The following ZNF333 variants were observed in gnomAD, a reference collection of about 807,000 sequenced individuals.
ZNF333 encodes zinc finger protein 333.
A neutral mutation model predicts 76.1 loss-of-function variants in ZNF333; 61 were observed. That is an observed-to-expected ratio of 0.80 (90% confidence interval 0.65 to 0.99). The LOEUF (loss-of-function observed/expected upper bound fraction) is 0.99, where lower values mean the gene tolerates loss of function less well. Among genes scored for constraint, ZNF333 ranks in the 50% least tolerant of loss-of-function variants. ZNF333 has a pLI of 0.00. For synonymous variants in ZNF333, 284 were observed against 305.0 expected (o/e 0.93, Z 0.72); for missense variants, 717 against 822.4 (o/e 0.87, Z 1.57).
Position 14,705,061 on chromosome 19 carries a change from G to C in ZNF333, c.314G>C (p.Gly105Ala). ...CCTCTTGTCTTTTGCCAGGGGCCGG[G>C]GCTGTTCCTGAGGATGCAGCTGGTG... ...ASSRDMQMGP[G>A]LFLRMQLVPS... Residue 105 changes from glycine to alanine, a missense_variant, in exon 6 of 12, where the codon GGG becomes GCG. By Grantham distance (60) the Gly-to-Ala change is moderately conservative (BLOSUM62 0). Coordinates refer to ENST00000292530, the MANE Select transcript of ZNF333 (RefSeq NM_032433.4). 1 of 1,613,914 alleles carries C rather than the reference G, an allele frequency of 6.2e-7. No individual in the cohort carries two copies. The highest frequency in any genetic ancestry group is 1.1e-5 in the South Asian group (1 of 91,060).
intron 1 of ZNF333, among the ~76,000 whole-genome samples, chr19:14,691,998 C>T (rs368267017): frequency 2.0e-5 from 3 of 152,062 alleles, no homozygotes; most frequent in East Asian, 3.9e-4. Flanking sequence ...TTTGTGTGTG[C>T]GTGGGCATAT....
In ZNF333 at chr19:14,729,551, C is replaced by G. The variant is rs983490915; in HGVS notation, c.901-1624C>G. Among the ~76,000 whole-genome samples, 3 of 151,970 alleles carry G rather than the reference C, an allele frequency of 2.0e-5. No homozygotes were observed. In the East Asian group the frequency reaches 5.8e-4, roughly 29 times the overall value. On this transcript the variant is annotated intron_variant, in intron 11 of 11. Transcript: ENST00000540689. ...TATTTTTTGTAGAGTTAGGGTTTCT[C>G]CATTTTGCCCAGGCTGGGCTTGAAC... is the stretch of plus-strand genomic sequence containing the variant.
At position 14,717,785 on chromosome 19, in the gene ZNF333, G is replaced by A. The variant is rs558408800; in HGVS notation, c.900+52G>A. The A allele has an allele frequency of 5.7e-6, 9 of 1,566,444 alleles. No individual in the cohort carries two copies. The East Asian group carries it at 2.0e-4, about 35-fold the overall frequency. ...GTTCTCTATAGTAGGATGAGTCTGG[G>A]GTTAACCGTAAGTTAGAAAAGCAGC... On this transcript the variant is annotated intron_variant, in intron 11 of 11. Transcript: ENST00000292530.
intron 7 of ZNF333, among the ~76,000 whole-genome samples, chr19:14,713,352 C>G (rs2147003321): frequency 6.6e-6 from 1 of 152,292 alleles, no homozygotes; most frequent in Non-Finnish European, 1.5e-5. Context: ...GCTCTGACCT[C>G]TGGACCTCAT....
intron 11 of ZNF333, among the ~76,000 whole-genome samples, chr19:14,730,831 C>T (rs966616857): frequency 1.3e-5 from 2 of 151,554 alleles, no homozygotes; most frequent in Admixed American, 6.6e-5. Context: ...TCTAGTAGTC[C>T]CCATTGTCTA....
chr19:14,693,351 C>A, intron 1 of ZNF333, 100 bp from the exon 2 acceptor site: 1 of 834,460 alleles, frequency 1.2e-6, no homozygotes. Flanking sequence ...GATAAATGTC[C>A]TGTAAGGGTT....
chr19:14,695,646 C>G lies in ZNF333; in HGVS notation c.208C>G (p.Arg70Gly). 1.9e-6 allele frequency: 3 copies of G among 1,614,116 alleles called. No individual in the cohort carries two copies. The South Asian group carries it at 3.3e-5, about 18-fold the overall frequency. The change falls in exon 4 of 12, where the codon CGT becomes GGT. Residue 70 changes from arginine to glycine, a missense_variant. Transcript: ENST00000292530. Reference protein sequence around the residue: ...EPKATERGILRATGVAWESQL... With the variant: ...EPKATERGILGATGVAWESQL... ...AAAGGCAACAGAACGAGGGATTCTC[C>G]GTGCCACAGGTGTTGGTGAGTACCA...
At chr19:14,715,163 G>A (rs1362247353) in intron 7 of ZNF333, 2 of 526,364 alleles carry the variant, frequency 3.8e-6, no homozygotes, top group African/African-American at 3.8e-5. Flanking sequence ...GTGTTTGTGT[G>A]TATATGTGTG....
intron 4 of ZNF333, among the ~76,000 whole-genome samples, chr19:14,697,076 G>C (rs1002436069): frequency 2.6e-5 from 4 of 152,110 alleles, no homozygotes; most frequent in African/African-American, 9.7e-5. Flanking sequence ...CAATACTGTT[G>C]TATGGGAATT....
chr19:14,709,569 G>A (rs1003833587), intron 7 of ZNF333, among the ~76,000 whole-genome samples: 1 of 152,182 alleles, frequency 6.6e-6, no homozygotes, highest in African/African-American at 2.4e-5. Flanking sequence ...AAGCCCTATT[G>A]TCTCCCCCGA....
intron 6 of ZNF333, chr19:14,706,127 GA>G (rs1394130310): frequency 2.2e-6 from 1 of 457,550 alleles, no homozygotes; most frequent in Middle Eastern, 3.2e-4. Context: ...ATCCTGCCCA[GA>G]GCCACCGTTA....
chr19:14,716,286 T>G, intron 9 of ZNF333, 48 bp downstream of exon 9: 2 of 1,583,490 alleles, frequency 1.3e-6, no homozygotes, highest in Non-Finnish European at 1.7e-6. Context: ...TGAGACAGAG[T>G]CTTGCTCTGT....
chr19:14,716,213 G>T lies in ZNF333; in HGVS notation c.702G>T (p.Glu234Asp). The change falls in exon 9 of 12, where the codon GAG becomes GAT. Residue 234 changes from glutamate (E) to aspartate (D), a missense_variant. By Grantham distance (45) the Glu-to-Asp change is conservative. Coordinates refer to ENST00000292530, the MANE Select transcript of ZNF333 (RefSeq NM_032433.4). ...QRSLYRDVMLENYRNLASVAD... is the reference protein window; with the variant it reads ...QRSLYRDVMLDNYRNLASVAD... ...GCCTGTATAGAGATGTGATGCTGGA[G>T]AACTACAGGAACCTGGCCTCTGTGG... 1 of 1,613,862 alleles carries T rather than the reference G, an allele frequency of 6.2e-7. No homozygotes were observed. Among genetic ancestry groups the T allele is most frequent in the Non-Finnish European group, 8.5e-7 (1 of 1,179,936 alleles).
In ZNF333 at chr19:14,720,770, A is replaced by G. The variant is rs2042568778; in HGVS notation, c.*1445A>G. The G allele has an allele frequency of 1.0e-6, 1 of 985,246 alleles. No homozygotes were observed. Among genetic ancestry groups the G allele is most frequent in the African/African-American group, 1.7e-5 (1 of 57,250 alleles). The allele number at this position is 985,246 out of a possible 1,614,324, so 61.0% of individuals were successfully genotyped here. A position where few individuals can be genotyped will look rare whatever the true frequency, so the allele number is the denominator to read the frequency against. On this transcript the variant is annotated 3_prime_UTR_variant, in exon 12 of 12. Transcript: ENST00000292530. ...AAGCAAATGTGTTTAAAAACCATCTACACATTTATAAATGTTGATCTGTGA... is the reference window on the plus strand; with the variant it reads ...AAGCAAATGTGTTTAAAAACCATCTGCACATTTATAAATGTTGATCTGTGA...
At chr19:14,717,855 G>T in intron 11 of ZNF333, 122 bp downstream of exon 11, 2 of 936,824 alleles carry the variant, frequency 2.1e-6, no homozygotes, top group Non-Finnish European at 3.2e-6. Context: ...TTACCCAGAA[G>T]GAAGCAGTTT....
chr19:14,724,816 G>C (rs566173618), downstream of ZNF333, among the ~76,000 whole-genome samples: 1 of 152,286 alleles, frequency 6.6e-6, no homozygotes, highest in Admixed American at 6.5e-5. Context: ...TTAGGTGACT[G>C]TGCTGCTTGA....
intron 11 of ZNF333, among the ~76,000 whole-genome samples, chr19:14,728,477 C>A (rs969438039): frequency 6.6e-6 from 1 of 152,098 alleles, no homozygotes; most frequent in African/African-American, 2.4e-5. Flanking sequence ...TGTTATCTTG[C>A]TAGGATATGT....
At chr19:14,696,731 CT>C (rs55742444) in intron 4 of ZNF333, among the ~76,000 whole-genome samples, 3,815 of 81,564 alleles carry the variant, frequency 0.047, 14 homozygotes, top group African/African-American at 0.071. Context: ...ACCTAATCAC[CT>C]TTTTTTTTTT....
At chr19:14,717,442 A>C in intron 10 of ZNF333, 1 of 566,204 alleles carries the variant, frequency 1.8e-6, no homozygotes, top group Non-Finnish European at 3.1e-6. Context: ...TTTCCTTCCC[A>C]TGTTCCTCTG....
Sources: gnomAD v4.1 joint callset for allele counts (sites outside exome capture counted in the v4.1 genomes callset) on GRCh38, gnomAD v4.1.1 for gene constraint, MANE v1.5 for transcripts, NCBI Gene and HGNC (gene_info 2026-07-23, HGNC 2026-07-21) for gene names.